GPR141: variants seen among roughly 807,000 people sequenced by gnomAD.
The protein encoded by GPR141 is G protein-coupled receptor 141, also known as probable G protein-coupled receptor 141.
Under a neutral mutation model 6.8 loss-of-function variants are expected in GPR141, and 6 were observed. The ratio of observed to expected loss-of-function variants is 0.88; its 90% confidence interval spans 0.48 to 1.74. GPR141 has a LOEUF of 1.74. Among genes scored for constraint, GPR141 ranks in the 40% most tolerant of loss-of-function variants. The pLI is 0.01. For missense variants in GPR141, 372 were observed against 372.9 expected (o/e 1.00, Z 0.02); for synonymous variants, 140 against 142.3 (o/e 0.98, Z 0.11).
At chr7:37,696,941 T>C (rs1307464576) in intron 2 of GPR141, among the ~76,000 whole-genome samples, 1 of 152,102 alleles carries the variant, frequency 6.6e-6, no homozygotes, top group Admixed American at 6.6e-5. Flanking sequence ...AATAGTAAAA[T>C]AGAAATGATT....
At chr7:37,715,404 C>A (rs896828808) in intron 2 of GPR141, among the ~76,000 whole-genome samples, 1 of 152,148 alleles carries the variant, frequency 6.6e-6, no homozygotes, top group Non-Finnish European at 1.5e-5. Flanking sequence ...TGCTGGGGAC[C>A]ACTGTGCCCA....
chr7:37,723,691 A>G lies in GPR141; in HGVS notation c.-14-16689A>G, dbSNP rs143889779. Among the ~76,000 whole-genome samples the G allele has an allele frequency of 7.2e-3, 1,104 of 152,280 alleles. 14 individuals carry two copies. Among genetic ancestry groups the G allele is most frequent in the African/African-American group, 0.024 (1,005 of 41,550 alleles). On this transcript the variant is annotated intron_variant, in intron 2 of 2. Transcript: ENST00000334425. Reference sequence around the variant, plus strand: ...CCTGTCTGAAGGCCTCGTCCCTTACATGTCCGTATAGACATGTTTCTCTGT... The same window carrying G: ...CCTGTCTGAAGGCCTCGTCCCTTACGTGTCCGTATAGACATGTTTCTCTGT...
chr7:37,693,720 A>G (rs965045528), intron 2 of GPR141, among the ~76,000 whole-genome samples: 1 of 151,674 alleles, frequency 6.6e-6, no homozygotes, highest in African/African-American at 2.4e-5. Flanking sequence ...CAATGACTCT[A>G]CTCCCTGGGA....
intron 2 of GPR141, among the ~76,000 whole-genome samples, chr7:37,718,522 A>AAG (rs1811155439): frequency 2.4e-5 from 1 of 42,388 alleles, no homozygotes; most frequent in Non-Finnish European, 6.0e-5. Context: ...GAAGGAAGGA[A>AAG]GAAAGGAAGG....
intron 2 of GPR141, among the ~76,000 whole-genome samples, chr7:37,719,672 A>C (rs1200993697): frequency 1.3e-5 from 2 of 152,228 alleles, no homozygotes; most frequent in African/African-American, 4.8e-5. Context: ...GGCCATATTT[A>C]GAATGTACAG....
chr7:37,733,349 G>C (rs530641497), intron 2 of GPR141, among the ~76,000 whole-genome samples: 7 of 152,258 alleles, frequency 4.6e-5, no homozygotes, highest in Non-Finnish European at 8.8e-5. Flanking sequence ...CCAGCAAATG[G>C]AGCAGGGACG....
intron 2 of GPR141, among the ~76,000 whole-genome samples, chr7:37,690,177 G>A (rs766979618): frequency 1.3e-5 from 2 of 151,414 alleles, no homozygotes; most frequent in African/African-American, 2.4e-5. Context: ...ATGTTTTTTT[G>A]TTTGTTTGTT....
intron 2 of GPR141, among the ~76,000 whole-genome samples, chr7:37,716,244 G>T (rs573748026): frequency 2.6e-5 from 4 of 152,176 alleles, no homozygotes; most frequent in East Asian, 1.9e-4. Context: ...TGTCCAGGCT[G>T]CCTATAATTT....
At chr7:37,728,206 A>G (rs1181978943) in intron 2 of GPR141, among the ~76,000 whole-genome samples, 1 of 152,124 alleles carries the variant, frequency 6.6e-6, no homozygotes, top group African/African-American at 2.4e-5. Flanking sequence ...TTCTTGCAGC[A>G]TTTTTCACGT....
At chr7:37,683,951 T>C (rs1236577329) in intron 1 of GPR141, 48 bp downstream of exon 1, 1 of 150,344 alleles carries the variant, frequency 6.7e-6, no homozygotes, top group Non-Finnish European at 1.5e-5. Flanking sequence ...GAAAGTGCTA[T>C]AGAAATAAAG....
intron 2 of GPR141, 54 bp from the exon 3 acceptor site, chr7:37,740,326 T>C (rs757456045): frequency 5.3e-6 from 6 of 1,128,994 alleles, no homozygotes; most frequent in Non-Finnish European, 7.7e-6. Flanking sequence ...GTAAAAGAGA[T>C]AGGAACAAAG....
chr7:37,704,185 G>C lies in GPR141; in HGVS notation c.-15+18602G>C, dbSNP rs867012881. On this transcript the variant is annotated intron_variant, in intron 2 of 2. Transcript: ENST00000334425. Reference sequence around the variant, plus strand: ...ATATATTTTTTCTTTTCCACCCAAAGCTAAAACTAGGACAAGTAAGTAGAC... The same window carrying C: ...ATATATTTTTTCTTTTCCACCCAAACCTAAAACTAGGACAAGTAAGTAGAC... Among the ~76,000 whole-genome samples, 15 of 151,996 alleles carry C rather than the reference G, an allele frequency of 9.9e-5. No individual in the cohort carries two copies. The Middle Eastern group carries it at 0.01, about 103-fold the overall frequency.
intron 2 of GPR141, among the ~76,000 whole-genome samples, chr7:37,701,237 A>G (rs1284678910): frequency 1.3e-5 from 2 of 152,226 alleles, no homozygotes; most frequent in Admixed American, 6.5e-5. Context: ...TTCTTTCTCC[A>G]GTACCTCATT....
chr7:37,709,086 A>G (rs1054970252), intron 2 of GPR141, among the ~76,000 whole-genome samples: 1 of 152,204 alleles, frequency 6.6e-6, no homozygotes, highest in Non-Finnish European at 1.5e-5. Context: ...TAAGAAATAT[A>G]GGATAATTTT....
rs938639708 is a variant in GPR141 at position 37,741,258 on chromosome 7, C to T, written c.865C>T (p.His289Tyr). Reference protein sequence around the residue: ...DLLLFVFGGSHWFKQKIIGLW... With the variant: ...DLLLFVFGGSYWFKQKIIGLW... ...GCTTCTCTTTGTCTTTGGGGGAAGC[C>T]ATTGGTTTAAGCAAAAGATAATTGG... The change falls in exon 3 of 3, where the codon CAT becomes TAT. Residue 289 changes from histidine to tyrosine, a missense_variant. Transcript: ENST00000334425. 6.2e-7 allele frequency: 1 copy of T among 1,609,200 alleles called. No individual in the cohort carries two copies. Among genetic ancestry groups the T allele is most frequent in the Admixed American group, 1.7e-5 (1 of 59,670 alleles).
At chr7:37,707,583 AC>A (rs1326121206) in intron 2 of GPR141, among the ~76,000 whole-genome samples, 1 of 152,242 alleles carries the variant, frequency 6.6e-6, no homozygotes, top group Non-Finnish European at 1.5e-5. Context: ...TTTTATAAGT[AC>A]AAAAACTTTA....
In GPR141 at chr7:37,743,173, C is replaced by CTT. The variant is rs200285405; in HGVS notation, c.*1870_*1871dup. Among the ~76,000 whole-genome samples, 1 of 151,186 alleles carries CTT rather than the reference C, an allele frequency of 6.6e-6. No individual in the cohort carries two copies. The highest frequency in any genetic ancestry group is 1.5e-5 in the Non-Finnish European group (1 of 67,768). The stretch of plus-strand genomic sequence containing the variant: ...AGAATAACAGAATGAATTAAGGGAA[C>CTT]TTTTTTTTTCATCAAGGTATATCTT... On this transcript the variant is annotated 3_prime_UTR_variant, in exon 3 of 3. Coordinates refer to ENST00000334425, the MANE Select transcript of GPR141 (RefSeq NM_001381946.1).
intron 2 of GPR141, among the ~76,000 whole-genome samples, chr7:37,711,090 A>G (rs918551373): frequency 6.6e-5 from 10 of 152,230 alleles, no homozygotes; most frequent in Non-Finnish European, 2.9e-5. Flanking sequence ...TACTGAAATC[A>G]TTCTAGTTGA....
rs369742327 is a variant in GPR141, at chr7:37,700,868, CT to C, written c.-15+15286del. ...AATCTTCAAATCTTTAATATCGCCA[CT>C]AAACAGTATTCTCTTTTAGAAGAGT... On this transcript the variant is annotated intron_variant, in intron 2 of 2. Transcript: ENST00000334425. Among the ~76,000 whole-genome samples, 581 of 152,258 alleles carry C rather than the reference CT, an allele frequency of 3.8e-3. 4 individuals are homozygous for C. The highest frequency in any genetic ancestry group is 0.013 in the African/African-American group (547 of 41,556).
Sources: gnomAD v4.1 joint callset for allele counts (sites outside exome capture counted in the v4.1 genomes callset) on GRCh38, gnomAD v4.1.1 for gene constraint, MANE v1.5 for transcripts, NCBI Gene and HGNC (gene_info 2026-07-23, HGNC 2026-07-21) for gene names.